Variants in ERBB4 observed in about 807,000 individuals in gnomAD.
ERBB4 encodes erb-b2 receptor tyrosine kinase 4, also known as receptor tyrosine-protein kinase erbB-4.
In ERBB4, 42 loss-of-function variants were observed where a neutral mutation model predicts 158.0. That is an observed-to-expected ratio of 0.27 (90% CI 0.21 to 0.34). The LOEUF (loss-of-function observed/expected upper bound fraction) is 0.34. Among genes scored for constraint, ERBB4 ranks in the 10% least tolerant of loss-of-function variants. The pLI, the probability that ERBB4 is intolerant of heterozygous loss-of-function variation, is 1.00. For missense variants in ERBB4, 1,333 were observed against 1,624.1 expected (o/e 0.82, Z 3.08); for synonymous variants, 583 against 558.7 (o/e 1.04, Z -0.61).
intron 25 of ERBB4, among the ~76,000 whole-genome samples, chr2:211,392,600 A>ACACACACACACACC (rs564067126): frequency 3.0e-5 from 4 of 133,536 alleles, no homozygotes; most frequent in African/African-American, 1.1e-4. Flanking sequence ...ACACACACAC[A>ACACACACACACACC]CCCCAATAAT....
intron 1 of ERBB4, among the ~76,000 whole-genome samples, chr2:212,401,532 A>G (rs912269651): frequency 6.6e-6 from 1 of 152,148 alleles, no homozygotes; most frequent in Non-Finnish European, 1.5e-5. Flanking sequence ...AATATGTGGT[A>G]TAACAGTTTT....
intron 2 of ERBB4, among the ~76,000 whole-genome samples, chr2:211,953,398 A>C (rs775649514): frequency 4.6e-5 from 7 of 151,534 alleles, no homozygotes; most frequent in Non-Finnish European, 1.0e-4. Context: ...AAAAGTAAAT[A>C]AAACAAAATA....
At chr2:211,627,296 G>T (rs77536379) in intron 17 of ERBB4, among the ~76,000 whole-genome samples, 12,675 of 152,272 alleles carry the variant, frequency 0.083, 588 homozygotes, top group East Asian at 0.16. Context: ...CATGTGTTGT[G>T]TCCAAACTTT....
intron 1 of ERBB4, among the ~76,000 whole-genome samples, chr2:212,301,121 C>T (rs1452473527): frequency 1.4e-5 from 2 of 144,566 alleles, no homozygotes; most frequent in Non-Finnish European, 3.1e-5. Flanking sequence ...CATTGATATG[C>T]TTTTTTTTTT....
intron 22 of ERBB4, among the ~76,000 whole-genome samples, chr2:211,426,743 T>A (rs531418507): frequency 6.6e-6 from 1 of 151,926 alleles, no homozygotes; most frequent in South Asian, 2.1e-4. Context: ...ACTGCCATAT[T>A]TGATTCAGGG....
chr2:211,718,239 C>A (rs568706882), intron 7 of ERBB4, among the ~76,000 whole-genome samples: 1 of 151,924 alleles, frequency 6.6e-6, no homozygotes, highest in Non-Finnish European at 1.5e-5. Flanking sequence ...TAACCCACAT[C>A]TTAAAGAAGA....
At chr2:212,472,421 C>T (rs1012832000) in intron 1 of ERBB4, among the ~76,000 whole-genome samples, 2 of 151,730 alleles carry the variant, frequency 1.3e-5, no homozygotes, top group Non-Finnish European at 3.0e-5. Context: ...ATGTACGTGG[C>T]TCTTAAGCCT....
intron 1 of ERBB4, among the ~76,000 whole-genome samples, chr2:212,420,899 G>C (rs937567879): frequency 5.9e-5 from 9 of 152,140 alleles, no homozygotes; most frequent in Non-Finnish European, 2.9e-5. Flanking sequence ...TGAAAGAATG[G>C]CTAGATGAAA....
chr2:211,882,517 G>T (rs187923327), intron 3 of ERBB4, among the ~76,000 whole-genome samples: 136 of 152,218 alleles, frequency 8.9e-4, no homozygotes, highest in African/African-American at 3.1e-3. Flanking sequence ...TTTCTCTATA[G>T]TGAGGTTTGT....
At chr2:211,803,650 C>T (rs2076549441) in intron 3 of ERBB4, among the ~76,000 whole-genome samples, 1 of 152,166 alleles carries the variant, frequency 6.6e-6, no homozygotes, top group Non-Finnish European at 1.5e-5. Context: ...CAGAATTTAT[C>T]GGTAAATTCC....
chr2:211,975,288 G>A (rs1330170615), intron 2 of ERBB4, among the ~76,000 whole-genome samples: 3 of 152,116 alleles, frequency 2.0e-5, no homozygotes, highest in African/African-American at 7.2e-5. Flanking sequence ...GCTCCCCCAC[G>A]CTTAAATAAC....
chr2:212,367,241 A>T (rs2089922743), intron 1 of ERBB4, among the ~76,000 whole-genome samples: 1 of 152,036 alleles, frequency 6.6e-6, no homozygotes, highest in Non-Finnish European at 1.5e-5. Context: ...GAGAAAATAC[A>T]TTTCTGTTGT....
intron 2 of ERBB4, among the ~76,000 whole-genome samples, chr2:211,959,117 C>G (rs901240669): frequency 3.3e-5 from 5 of 152,086 alleles, no homozygotes; most frequent in Non-Finnish European, 7.4e-5. Flanking sequence ...ATTCATCCAT[C>G]CATCCATCCA....
intron 1 of ERBB4, among the ~76,000 whole-genome samples, chr2:212,152,217 T>C (rs548370314): frequency 6.6e-6 from 1 of 152,292 alleles, no homozygotes; most frequent in East Asian, 1.9e-4. Flanking sequence ...GTCTCCATCA[T>C]CTATTACTTT....
At chr2:212,453,191 T>A (rs1188024403) in intron 1 of ERBB4, among the ~76,000 whole-genome samples, 1 of 152,222 alleles carries the variant, frequency 6.6e-6, no homozygotes, top group African/African-American at 2.4e-5. Flanking sequence ...ATCAAGCATA[T>A]AACTCTATAG....
Position 211,387,007 on chromosome 2 carries a change from G to C in ERBB4, c.3327C>G (p.Gly1109=), listed in dbSNP as rs1461973181. The C allele has an allele frequency of 3.7e-6, 6 of 1,614,040 alleles. No homozygotes were observed. The highest frequency in any genetic ancestry group is 5.1e-6 in the Non-Finnish European group (6 of 1,179,998). Residue 1109 remains glycine (G), a synonymous_variant, in exon 27 of 28, where the codon GGC becomes GGG. Coordinates refer to ENST00000342788, the MANE Select transcript of ERBB4 (RefSeq NM_005235.3). ...AEIFDDSCCN[G]TLRKPVAPHV... Reference sequence around the variant, plus strand: ...GGGGTGCCACTGGCTTGCGTAGGGTGCCATTACAGCAGGAGTCATCAAAAA... The same window carrying C: ...GGGGTGCCACTGGCTTGCGTAGGGTCCCATTACAGCAGGAGTCATCAAAAA...
intron 2 of ERBB4, among the ~76,000 whole-genome samples, chr2:211,948,041 T>C (rs2125139907): frequency 6.6e-6 from 1 of 152,304 alleles, no homozygotes; most frequent in South Asian, 2.1e-4. Flanking sequence ...AATTGTAGGA[T>C]AGGTTTAAAA....
At chr2:211,702,972 A>G (rs1209521540) in intron 11 of ERBB4, among the ~76,000 whole-genome samples, 3 of 152,114 alleles carry the variant, frequency 2.0e-5, no homozygotes, top group Non-Finnish European at 2.9e-5. Flanking sequence ...TTACTTTTCC[A>G]TTCTCTAAAG....
At chr2:211,579,243 A>G (rs751197555) in intron 19 of ERBB4, among the ~76,000 whole-genome samples, 4 of 152,296 alleles carry the variant, frequency 2.6e-5, no homozygotes, top group Middle Eastern at 3.4e-3. Flanking sequence ...CAAAACCACA[A>G]TGAGGTACCA....
Sources: allele counts gnomAD v4.1 joint callset (sites outside exome capture counted in the v4.1 genomes callset), GRCh38; gene constraint gnomAD v4.1.1; transcripts MANE v1.5; gene names NCBI Gene and HGNC (gene_info 2026-07-23, HGNC 2026-07-21).